The following NAV2 variants were observed in gnomAD, a reference collection of about 807,000 sequenced individuals.
NAV2 encodes the protein neuron navigator 2.
Under a neutral mutation model 223.2 loss-of-function variants are expected in NAV2, and 54 were observed. That is an observed-to-expected ratio of 0.24 (90% CI 0.19 to 0.30). The LOEUF (loss-of-function observed/expected upper bound fraction) is 0.30. Among genes scored for constraint, NAV2 ranks in the 10% least tolerant of loss-of-function variants. The probability of loss-of-function intolerance (pLI) is 1.00; values close to 1 mark genes in which losing one functional copy is unlikely to be tolerated. For missense variants in NAV2, 2,806 were observed against 3,147.5 expected, an observed-to-expected ratio of 0.89 and a Z score of 2.60; for synonymous variants, 1,279 against 1,239.3, an observed-to-expected ratio of 1.03 and a Z score of -0.67.
chr11:19,401,358 C>T (rs1246815588), intron 1 of NAV2, among the ~76,000 whole-genome samples: 1 of 152,212 alleles, frequency 6.6e-6, no homozygotes, highest in African/African-American at 2.4e-5. Flanking sequence ...TGGAATCCAA[C>T]TGTACCCCTG....
intron 10 of NAV2, among the ~76,000 whole-genome samples, chr11:19,954,710 G>A (rs979147473): frequency 1.3e-5 from 2 of 152,024 alleles, no homozygotes; most frequent in African/African-American, 4.8e-5. Flanking sequence ...TTTATTGCCT[G>A]TCAGGTCATC....
chr11:19,929,949 A>G (rs1221180496), intron 6 of NAV2, among the ~76,000 whole-genome samples: 1 of 152,190 alleles, frequency 6.6e-6, no homozygotes, highest in African/African-American at 2.4e-5. Flanking sequence ...GGGAATTAGT[A>G]GAGTCTACTA....
chr11:19,442,057 T>C (rs1335749448), intron 1 of NAV2, among the ~76,000 whole-genome samples: 2 of 152,242 alleles, frequency 1.3e-5, no homozygotes, highest in Non-Finnish European at 2.9e-5. Context: ...GCAGGGCTGC[T>C]TGGGAACCAC....
In NAV2 at chr11:20,107,244, G is replaced by GTT. The variant is rs759043206; in HGVS notation, c.6842-406_6842-405dup. The GTT allele has an allele frequency of 7.6e-3, 1,018 of 133,264 alleles. 82 individuals carry two copies. In the East Asian group the frequency reaches 0.17, roughly 22 times the overall value. The allele number at this position is 133,264 out of a possible 1,614,324, so 8.3% of individuals were successfully genotyped here. ...AGGCACCCACCACCACGCCTGGCTA[G>GTT]TTTTTTTTTTTTTTTGTATTTTTAG... is the stretch of plus-strand genomic sequence containing the variant. On this transcript the variant is annotated intron_variant, in intron 35 of 37. Coordinates refer to ENST00000349880, the MANE Select transcript of NAV2 (RefSeq NM_145117.5).
chr11:19,768,981 G>A (rs1238581929), intron 1 of NAV2, among the ~76,000 whole-genome samples: 1 of 152,216 alleles, frequency 6.6e-6, no homozygotes, highest in Non-Finnish European at 1.5e-5. Context: ...AAGGCCTAGT[G>A]TGAACCTCTC....
At chr11:19,493,889 G>A (rs2042710412) in intron 1 of NAV2, among the ~76,000 whole-genome samples, 2 of 152,194 alleles carry the variant, frequency 1.3e-5, no homozygotes, top group African/African-American at 4.8e-5. Context: ...AGAAAGGCCC[G>A]AAAGAAAGCA....
At chr11:19,448,173 C>T (rs1474480584) in intron 1 of NAV2, among the ~76,000 whole-genome samples, 6 of 152,150 alleles carry the variant, frequency 3.9e-5, no homozygotes, top group Non-Finnish European at 8.8e-5. Context: ...CACACTCCCC[C>T]TGAATTCTTC....
In NAV2 at chr11:19,589,999, C is replaced by G. The variant is rs184241023; in HGVS notation, c.75+238972C>G. 2.5e-3 allele frequency among the ~76,000 whole-genome samples: 379 copies of G among 152,258 alleles called. 3 individuals carry two copies. The highest frequency in any genetic ancestry group is 0.011 in the Admixed American group (170 of 15,294). On this transcript the variant is annotated intron_variant, in intron 1 of 37. Transcript: ENST00000360655. ...CTCTCTGTGCCTCAACTTCCTCAGT[C>G]TTGTGTAGTGGTGAATTGTGTAGGC...
chr11:19,463,923 G>A (rs2729870), intron 1 of NAV2, among the ~76,000 whole-genome samples: 2,747 of 152,270 alleles, frequency 0.018, 80 homozygotes, highest in African/African-American at 0.063. Flanking sequence ...GCCCCAGGGA[G>A]CAGGCAGGTG....
chr11:20,118,034 C>T, intron 37 of NAV2, 99 bp from the exon 38 acceptor site: 1 of 1,395,318 alleles, frequency 7.2e-7, no homozygotes, highest in South Asian at 1.3e-5. Context: ...GGGCTGTTAT[C>T]CCAGGTGAGT....
At chr11:20,000,648 TGGGAGC>T (rs2052451873) in intron 11 of NAV2, among the ~76,000 whole-genome samples, 1 of 152,166 alleles carries the variant, frequency 6.6e-6, no homozygotes, top group East Asian at 1.9e-4. Context: ...GGGGAGCTAA[TGGGAGC>T]CCTGGCCTTG....
chr11:19,980,865 T>C (rs1188506439), intron 10 of NAV2, among the ~76,000 whole-genome samples: 1 of 152,168 alleles, frequency 6.6e-6, no homozygotes, highest in Non-Finnish European at 1.5e-5. Flanking sequence ...ATTTCTTGAG[T>C]GTGAGGCTGG....
chr11:19,625,316 A>G (rs2047134740), intron 1 of NAV2, among the ~76,000 whole-genome samples: 1 of 152,188 alleles, frequency 6.6e-6, no homozygotes, highest in South Asian at 2.1e-4. Flanking sequence ...GAGAAAATGC[A>G]GTGTTTAGCT....
chr11:19,836,908 G>A (rs1448069193), intron 2 of NAV2, among the ~76,000 whole-genome samples: 3 of 152,272 alleles, frequency 2.0e-5, no homozygotes, highest in Non-Finnish European at 4.4e-5. Context: ...GGTGGAAGGC[G>A]TGATCCAGCT....
rs2061369325 is a variant in NAV2, at chr11:20,097,661, C to CGCA, written c.6101_6103dup (p.Ser2034dup). On this transcript the variant is annotated inframe_insertion, in exon 31 of 38. Coordinates refer to ENST00000349880, the MANE Select transcript of NAV2 (RefSeq NM_145117.5). ...TGGCTACAGCATTGGAGAAATCAAG[C>CGCA]GCAGCAACACTTCCGAAACACCGGA... 6.2e-7 allele frequency: 1 copy of CGCA among 1,613,448 alleles called. No individual in the cohort carries two copies. The highest frequency in any genetic ancestry group is 1.3e-5 in the African/African-American group (1 of 74,916).
rs1013050663 is a variant in NAV2 at position 19,998,872 on chromosome 11, G to A, written c.2768+14625G>A. Reference sequence around the variant, plus strand: ...TTTATTTGACATCTCTTACTTTCATGTGTGTTAATTTTTATTTATTTGCCT... The same window carrying A: ...TTTATTTGACATCTCTTACTTTCATATGTGTTAATTTTTATTTATTTGCCT... On this transcript the variant is annotated intron_variant, in intron 11 of 37. Coordinates refer to ENST00000349880, the MANE Select transcript of NAV2 (RefSeq NM_145117.5). This position sits in a 1 kb window ranked among gnomAD's most constrained non-coding sequence, Gnocchi z 5.0. Among the ~76,000 whole-genome samples the A allele has an allele frequency of 1.3e-5, 2 of 152,118 alleles. No homozygotes were observed. The highest frequency in any genetic ancestry group is 4.8e-5 in the African/African-American group (2 of 41,376).
chr11:20,001,290 G>T (rs1304383561), intron 11 of NAV2, among the ~76,000 whole-genome samples: 3 of 152,106 alleles, frequency 2.0e-5, no homozygotes, highest in Non-Finnish European at 1.5e-5. Context: ...GGCTCCCAAA[G>T]GACCCCGTGC....
At chr11:19,595,932 G>A (rs183416425) in intron 1 of NAV2, among the ~76,000 whole-genome samples, 14 of 152,150 alleles carry the variant, frequency 9.2e-5, no homozygotes, top group East Asian at 5.8e-4. Context: ...TCACAATTCC[G>A]CTCCCAAACA....
intron 22 of NAV2, 97 bp downstream of exon 22, chr11:20,068,495 G>A: frequency 2.2e-6 from 2 of 893,516 alleles, no homozygotes; most frequent in Non-Finnish European, 3.7e-6. Context: ...AATAGAAGTA[G>A]CACATTATAA....
Sources: allele counts gnomAD v4.1 joint callset (sites outside exome capture counted in the v4.1 genomes callset), GRCh38; gene constraint gnomAD v4.1.1; non-coding constraint Gnocchi (gnomAD v3.1); transcripts MANE v1.5; gene names NCBI Gene and HGNC (gene_info 2026-07-23, HGNC 2026-07-21).